ULK4: variants seen among roughly 807,000 people sequenced by gnomAD.
ULK4 encodes the protein inactive serine/threonine-protein kinase ULK4.
Under a neutral mutation model 160.6 loss-of-function variants are expected in ULK4, and 133 were observed. That is an observed-to-expected ratio of 0.83 (90% CI 0.72 to 0.96). ULK4 has a LOEUF of 0.96. Among genes scored for constraint, ULK4 ranks in the 40% least tolerant of loss-of-function variants. The pLI is 0.00. For missense variants in ULK4, 1,580 were observed against 1,499.5 expected (o/e 1.05, Z -0.89); for synonymous variants, 534 against 539.8 (o/e 0.99, Z 0.15).
At chr3:41,569,371 G>A (rs148360255) in intron 31 of ULK4, among the ~76,000 whole-genome samples, 2,829 of 152,198 alleles carry the variant, frequency 0.019, 65 homozygotes, top group Non-Finnish European at 0.025. Context: ...GGGGATGCCA[G>A]CCATCAACTC....
Position 41,534,868 on chromosome 3 carries a change from A to G in ULK4, c.3226+31157T>C, listed in dbSNP as rs2086443900. On this transcript the variant is annotated intron_variant, in intron 32 of 36. Coordinates refer to ENST00000301831, the MANE Select transcript of ULK4 (RefSeq NM_017886.4). ...CTATATATGAGAAAAGTTAATTGAC[A>G]CAGTAAGGTTTATTATAATTTTTAG... Among the ~76,000 whole-genome samples the G allele has an allele frequency of 2.6e-5, 4 of 152,340 alleles. No homozygotes were observed. In the South Asian group the frequency reaches 8.3e-4, roughly 32 times the overall value.
intron 35 of ULK4, among the ~76,000 whole-genome samples, chr3:41,392,844 C>T (rs1214721293): frequency 6.6e-6 from 1 of 152,128 alleles, no homozygotes; most frequent in African/African-American, 2.4e-5. Context: ...TAATAAATCT[C>T]GATTGCCTCT....
chr3:41,520,168 T>A (rs2085885477), intron 32 of ULK4, among the ~76,000 whole-genome samples: 1 of 152,176 alleles, frequency 6.6e-6, no homozygotes, highest in Non-Finnish European at 1.5e-5. Flanking sequence ...AACATTTTCA[T>A]CATCTCACAA....
intron 35 of ULK4, among the ~76,000 whole-genome samples, chr3:41,276,765 T>C (rs1008840549): frequency 1.3e-5 from 2 of 152,170 alleles, no homozygotes; most frequent in African/African-American, 4.8e-5. Context: ...TCAAAGAAAC[T>C]GGGCAAAACA....
At chr3:41,842,490 G>C (rs1363000576) in intron 17 of ULK4, among the ~76,000 whole-genome samples, 1 of 152,146 alleles carries the variant, frequency 6.6e-6, no homozygotes, top group African/African-American at 2.4e-5. Context: ...TTGTATGATG[G>C]GGCAGATCCC....
chr3:41,942,258 C>T (rs1699982209), intron 2 of ULK4, among the ~76,000 whole-genome samples: 1 of 152,202 alleles, frequency 6.6e-6, no homozygotes, highest in South Asian at 2.1e-4. Context: ...GTGGCTAACA[C>T]CTGTAAACCC....
chr3:41,800,662 G>A (rs2040429028), intron 19 of ULK4, among the ~76,000 whole-genome samples: 3 of 152,172 alleles, frequency 2.0e-5, no homozygotes, highest in South Asian at 2.1e-4. Flanking sequence ...AAAATCATAC[G>A]GAGCAGGCAG....
intron 32 of ULK4, among the ~76,000 whole-genome samples, chr3:41,466,956 A>G (rs2083850430): frequency 6.6e-6 from 1 of 152,188 alleles, no homozygotes; most frequent in African/African-American, 2.4e-5. Flanking sequence ...AAAGTGTTCA[A>G]TATCACTATC....
At chr3:41,571,684 A>G (rs886784012) in intron 31 of ULK4, among the ~76,000 whole-genome samples, 3 of 152,240 alleles carry the variant, frequency 2.0e-5, no homozygotes, top group African/African-American at 7.2e-5. Context: ...GATTCTGACT[A>G]AAGACTATTT....
intron 32 of ULK4, among the ~76,000 whole-genome samples, chr3:41,554,591 C>A (rs1048052803): frequency 3.3e-5 from 5 of 152,066 alleles, no homozygotes; most frequent in African/African-American, 1.2e-4. Context: ...GAGAGGTAGA[C>A]TGATGGGTAC....
chr3:41,686,924 A>C (rs889692591), intron 27 of ULK4, among the ~76,000 whole-genome samples: 1 of 152,174 alleles, frequency 6.6e-6, no homozygotes, highest in Non-Finnish European at 1.5e-5. Context: ...GCATTTAAAA[A>C]CATCATTCTG....
At chr3:41,826,780 A>G (rs555828958) in intron 18 of ULK4, among the ~76,000 whole-genome samples, 2 of 148,218 alleles carry the variant, frequency 1.3e-5, no homozygotes, top group African/African-American at 5.2e-5. Flanking sequence ...GATATCCAGG[A>G]ATTGAACACA....
intron 17 of ULK4, among the ~76,000 whole-genome samples, chr3:41,878,911 A>C (rs1207041866): frequency 2.1e-4 from 19 of 89,382 alleles, no homozygotes; most frequent in African/African-American, 4.4e-4. Context: ...CCATCCCCCC[A>C]AAAAAAAGTA....
At chr3:41,705,443 ATAT>A (rs1168674325) in intron 25 of ULK4, 138 bp from the exon 26 acceptor site, 5 of 455,322 alleles carry the variant, frequency 1.1e-5, no homozygotes, top group South Asian at 5.0e-5. Context: ...TATACATATT[ATAT>A]TATTATAGTT....
chr3:41,600,621 C>A (rs748864862), intron 31 of ULK4, among the ~76,000 whole-genome samples: 10 of 152,188 alleles, frequency 6.6e-5, no homozygotes, highest in Non-Finnish European at 1.3e-4. Context: ...ACAGAGTGTC[C>A]CCTCTCTCCT....
At chr3:41,562,956 C>T (rs2087649287) in intron 32 of ULK4, among the ~76,000 whole-genome samples, 1 of 152,174 alleles carries the variant, frequency 6.6e-6, no homozygotes, top group East Asian at 1.9e-4. Flanking sequence ...TTCATAGCAT[C>T]GATGGTGTTT....
At chr3:41,386,225 T>C (rs1033710391) in intron 35 of ULK4, among the ~76,000 whole-genome samples, 1 of 152,192 alleles carries the variant, frequency 6.6e-6, no homozygotes, top group Non-Finnish European at 1.5e-5. Context: ...TATATACATA[T>C]TCCTTTTTTT....
chr3:41,485,477 T>A (rs1207156264), intron 32 of ULK4, among the ~76,000 whole-genome samples: 1 of 152,212 alleles, frequency 6.6e-6, no homozygotes, highest in Admixed American at 6.5e-5. Context: ...CAGCAAGAAA[T>A]TCTACCTTGA....
chr3:41,686,158 A>G (rs1230860982), intron 27 of ULK4, among the ~76,000 whole-genome samples: 3 of 152,194 alleles, frequency 2.0e-5, no homozygotes, highest in Admixed American at 2.0e-4. Context: ...GAAAAAGCAA[A>G]CAAACATGAA....
Sources: allele counts gnomAD v4.1 joint callset (sites outside exome capture counted in the v4.1 genomes callset), GRCh38; gene constraint gnomAD v4.1.1; transcripts MANE v1.5; gene names NCBI Gene and HGNC (gene_info 2026-07-23, HGNC 2026-07-21).